The following CD27 variants were observed in gnomAD, a reference collection of about 807,000 sequenced individuals.
CD27 encodes the protein CD27 molecule.
CD27 carries 16 observed loss-of-function variants against 25.9 expected under a neutral mutation model. That is an observed-to-expected ratio of 0.62 (90% confidence interval 0.42 to 0.94). The LOEUF is 0.94. Among genes scored for constraint, CD27 ranks in the 40% least tolerant of loss-of-function variants. The pLI, the probability that CD27 is intolerant of heterozygous loss-of-function variation, is 0.00. For missense variants in CD27, 300 were observed against 333.2 expected, an observed-to-expected ratio of 0.90 and a Z score of 0.78; for synonymous variants, 142 against 124.3, an observed-to-expected ratio of 1.14 and a Z score of -0.95.
intron 2 of CD27, chr12:6,447,444 G>A (rs893339939): frequency 2.6e-5 from 4 of 152,148 alleles, no homozygotes; most frequent in Admixed American, 6.5e-5. Context: ...AATGCAGTCA[G>A]GGGTGAGAAG....
At chr12:6,449,587 G>A (rs57646021) in intron 2 of CD27, among the ~76,000 whole-genome samples, 9,705 of 152,178 alleles carry the variant, frequency 0.064, 1,032 homozygotes, top group African/African-American at 0.22. Flanking sequence ...AGTGGCTCAC[G>A]CCTGTAATCC....
intron 2 of CD27, among the ~76,000 whole-genome samples, chr12:6,449,314 T>C (rs1426041911): frequency 2.1e-5 from 2 of 95,066 alleles, no homozygotes; most frequent in Non-Finnish European, 1.9e-5. Context: ...TTCTTTCTTT[T>C]CTTTTTTTTT....
upstream of CD27, chr12:6,444,899 G>C (rs975797877): frequency 1.8e-6 from 1 of 567,898 alleles, no homozygotes. Context: ...AGGGGAAGGG[G>C]GTGGAGGTTG....
chr12:6,445,087 G>T lies in CD27; in HGVS notation c.-9G>T. 6.2e-7 allele frequency: 1 copy of T among 1,601,084 alleles called. No homozygotes were observed. Among genetic ancestry groups the T allele is most frequent in the Admixed American group, 1.7e-5 (1 of 57,258 alleles). ...CTGGGCACAGAAAGGAGCCGCCTGG[G>T]CAGGGACCATGGCACGGCCACATCC... On this transcript the variant is annotated 5_prime_UTR_variant, in exon 1 of 6. Transcript: ENST00000266557. This position sits in a 1 kb window ranked among gnomAD's most constrained non-coding sequence, Gnocchi z 4.5.
At chr12:6,449,318 T>TTTC in intron 2 of CD27, among the ~76,000 whole-genome samples, 1 of 145,610 alleles carries the variant, frequency 6.9e-6, no homozygotes, top group African/African-American at 2.5e-5. Context: ...TTCTTTTCTT[T>TTTC]TTTTTTTTTT....
In CD27 at chr12:6,450,886, C is replaced by T. The variant is rs374055287; in HGVS notation, c.539-9C>T. On this transcript the variant is annotated splice_polypyrimidine_tract_variant and intron_variant, in intron 4 of 5. Coordinates refer to ENST00000266557, the MANE Select transcript of CD27 (RefSeq NM_001242.5). This position sits in a 1 kb window ranked among gnomAD's most constrained non-coding sequence, Gnocchi z 4.1. ...TCCCCTAACCCCTGTGTGTCCCCTC[C>T]TATTACAGCCCAAAGATCCCTGTGC... 31 of 1,614,014 alleles carry T rather than the reference C, an allele frequency of 1.9e-5. No individual in the cohort carries two copies. In the African/African-American group the frequency reaches 3.6e-4, roughly 19 times the overall value.
rs778890218 is a variant in CD27 at position 6,450,206 on chromosome 12, A to G, written c.302A>G (p.Asn101Ser). Residue 101 changes from asparagine (N) to serine (S), a missense_variant, in exon 3 of 6, where the codon AAT (asparagine) becomes AGT (serine). Physicochemically the swap from Asn to Ser is conservative, Grantham distance 46. Coordinates refer to ENST00000266557, the MANE Select transcript of CD27 (RefSeq NM_001242.5). The surrounding 1 kb of genome is among the most constrained non-coding windows in gnomAD (Gnocchi z 4.1). ...GTTCGCAACTGCACCATCACTGCCA[A>G]TGCTGAGTGTGCCTGTCGCAATGGC... ...LLVRNCTITA[N>S]AECACRNGWQ... 2 of 1,613,504 alleles carry G rather than the reference A, an allele frequency of 1.2e-6. No individual in the cohort carries two copies. Among genetic ancestry groups the G allele is most frequent in the Non-Finnish European group, 1.7e-6 (2 of 1,179,986 alleles).
In CD27 at chr12:6,451,209, T is replaced by C. The variant is rs1166785453; in HGVS notation, c.659-59T>C. Reference sequence around the variant, plus strand: ...AGCGCACCCGCCTCTACCCATCTCCTTCTCCCGTCTCCCCCTGCCCCCACT... The same window carrying C: ...AGCGCACCCGCCTCTACCCATCTCCCTCTCCCGTCTCCCCCTGCCCCCACT... On this transcript the variant is annotated intron_variant, in intron 5 of 5. Coordinates refer to ENST00000266557, the MANE Select transcript of CD27 (RefSeq NM_001242.5). 1.9e-6 allele frequency: 3 copies of C among 1,594,560 alleles called. No individual in the cohort carries two copies. The African/African-American group carries it at 4.0e-5, about 21-fold the overall frequency.
At chr12:6,443,997 G>A (rs1427275867), upstream of CD27, among the ~76,000 whole-genome samples, 6 of 152,154 alleles carry the variant, frequency 3.9e-5, no homozygotes, top group Non-Finnish European at 1.5e-5. Flanking sequence ...GTCTTGCTGG[G>A]AGAACTGGGA....
At chr12:6,447,385 A>T (rs891193219) in intron 2 of CD27, 5 of 152,208 alleles carry the variant, frequency 3.3e-5, no homozygotes, top group African/African-American at 1.2e-4. Context: ...CTCAGCCAAT[A>T]GATCCCAAAG....
At chr12:6,446,347 G>A (rs1949416761) in intron 2 of CD27, among the ~76,000 whole-genome samples, 1 of 152,170 alleles carries the variant, frequency 6.6e-6, no homozygotes, top group African/African-American at 2.4e-5. Context: ...TGTCACCCAG[G>A]CTGGAGTGCA....
In CD27 at chr12:6,451,602, C is replaced by A; in HGVS notation, c.*210C>A. 1 of 528,568 alleles carries A rather than the reference C, an allele frequency of 1.9e-6. No individual in the cohort carries two copies. Among genetic ancestry groups the A allele is most frequent in the Non-Finnish European group, 3.3e-6 (1 of 303,648 alleles). 32.7% of individuals were successfully genotyped at this position (528,568 alleles called of 1,614,324 possible). A position where few individuals can be genotyped will look rare whatever the true frequency, so the allele number is the denominator to read the frequency against. On this transcript the variant is annotated 3_prime_UTR_variant, in exon 6 of 6. Coordinates refer to ENST00000266557, the MANE Select transcript of CD27 (RefSeq NM_001242.5). Reference sequence around the variant, plus strand: ...TGGAGAGTGGGAAGCAGGAGCCCAGCCAGCTGCGCCTGCGCTGCAGGAGGG... The same window carrying A: ...TGGAGAGTGGGAAGCAGGAGCCCAGACAGCTGCGCCTGCGCTGCAGGAGGG...
chr12:6,449,135 T>C (rs558608298), intron 2 of CD27, among the ~76,000 whole-genome samples: 2 of 151,384 alleles, frequency 1.3e-5, no homozygotes, highest in Admixed American at 6.6e-5. Flanking sequence ...AGCTTGGGCC[T>C]ACAGGTGTGC....
intron 2 of CD27, among the ~76,000 whole-genome samples, chr12:6,446,770 C>T (rs573613927): frequency 4.9e-5 from 6 of 123,046 alleles, no homozygotes; most frequent in Admixed American, 3.3e-4. Flanking sequence ...AGAGCAAAAC[C>T]CTTTTTCACA....
Position 6,450,261 on chromosome 12 carries a change from G to C in CD27, c.357G>C (p.Glu119Asp). 1.2e-6 allele frequency: 2 copies of C among 1,613,972 alleles called. No individual in the cohort carries two copies. Among genetic ancestry groups the C allele is most frequent in the Non-Finnish European group, 1.7e-6 (2 of 1,180,028 alleles). The stretch of plus-strand genomic sequence containing the variant: ...AGTGCAGGGACAAGGAGTGCACCGA[G>C]TGTGATCCTCTTCCAAACCCTTCGC... ...GWQCRDKECT[E>D]CDPLPNPSLT... Residue 119 changes from glutamate (E) to aspartate (D), a missense_variant, in exon 3 of 6, where the codon GAG becomes GAC. Glu to Asp is a conservative substitution (Grantham distance 45). Coordinates refer to ENST00000266557, the MANE Select transcript of CD27 (RefSeq NM_001242.5). The surrounding 1 kb of genome is among the most constrained non-coding windows in gnomAD (Gnocchi z 4.1).
In CD27 at chr12:6,450,668, G is replaced by A; in HGVS notation, c.538+38G>A. The A allele has an allele frequency of 1.9e-6, 3 of 1,571,276 alleles. No homozygotes were observed. The highest frequency in any genetic ancestry group is 2.6e-6 in the Non-Finnish European group (3 of 1,146,550). On this transcript the variant is annotated intron_variant, in intron 4 of 5. Transcript: ENST00000266557. This position sits in a 1 kb window ranked among gnomAD's most constrained non-coding sequence, Gnocchi z 4.1. ...CTTAATCCCCACCGCTAGAGAGAAT[G>A]CATACACGAGGGGCCAGGAGGGAAG... is the stretch of plus-strand genomic sequence containing the variant.
upstream of CD27, among the ~76,000 whole-genome samples, chr12:6,444,450 A>G (rs1592116840): frequency 6.6e-6 from 1 of 152,028 alleles, no homozygotes; most frequent in African/African-American, 2.4e-5. Context: ...CAACTCCCCA[A>G]GGGTGTTTTG....
At position 6,450,779 on chromosome 12, in the gene CD27, C is replaced by T. The variant is rs1949524782; in HGVS notation, c.539-116C>T. The stretch of plus-strand genomic sequence containing the variant: ...TAGGAGAGGAGTTGGCCAACGGTGG[C>T]GGGTGGGATAGAATAAGGTGGGGGA... On this transcript the variant is annotated intron_variant, in intron 4 of 5. Transcript: ENST00000266557. This position sits in a 1 kb window ranked among gnomAD's most constrained non-coding sequence, Gnocchi z 4.1. 21 of 1,483,950 alleles carry T rather than the reference C, an allele frequency of 1.4e-5. No individual in the cohort carries two copies. Among genetic ancestry groups the T allele is most frequent in the East Asian group, 4.5e-5 (2 of 44,130 alleles). 91.9% of individuals were successfully genotyped at this position (1,483,950 alleles called of 1,614,324 possible).
At position 6,446,799 on chromosome 12, in the gene CD27, C is replaced by A. The variant is rs562781064; in HGVS notation, c.268+1244C>A. On this transcript the variant is annotated intron_variant, in intron 2 of 5. Transcript: ENST00000266557. ...TTTCACACACACACACACACACACA[C>A]AAAAAGCCAGAGCAGTGGCTCACAC... is the stretch of plus-strand genomic sequence containing the variant. Among the ~76,000 whole-genome samples, 117 of 150,348 alleles carry A rather than the reference C, an allele frequency of 7.8e-4. 1 individual carries two copies. Among genetic ancestry groups the A allele is most frequent in the African/African-American group, 2.6e-3 (104 of 40,686 alleles).
Sources: gnomAD v4.1 joint callset for allele counts (sites outside exome capture counted in the v4.1 genomes callset) on GRCh38, gnomAD v4.1.1 for gene constraint, Gnocchi (gnomAD v3.1) non-coding constraint, MANE v1.5 for transcripts, NCBI Gene and HGNC (gene_info 2026-07-23, HGNC 2026-07-21) for gene names.